The following ETV7 variants were observed in gnomAD, a reference collection of about 807,000 sequenced individuals.
ETV7 encodes ETS variant transcription factor 7.
A neutral mutation model predicts 39.1 loss-of-function variants in ETV7; 43 were observed. The ratio of observed to expected loss-of-function variants is 1.10; its 90% CI spans 0.86 to 1.42. ETV7 has a LOEUF of 1.42. Among genes scored for constraint, ETV7 ranks in the 40% most tolerant of loss-of-function variants. The pLI, the probability that ETV7 is intolerant of heterozygous loss-of-function variation, is 0.00. For missense variants in ETV7, 432 were observed against 442.3 expected, an observed-to-expected ratio of 0.98 and a Z score of 0.21; for synonymous variants, 196 against 176.6, an observed-to-expected ratio of 1.11 and a Z score of -0.87.
chr6:36,385,698 A>G (rs370447430), intron 1 of ETV7, 29 bp from the exon 2 acceptor site: 4 of 1,572,642 alleles, frequency 2.5e-6, no homozygotes, highest in South Asian at 2.3e-5. Context: ...GGACAGTCAA[A>G]GAAGAGCATC....
At position 36,366,209 on chromosome 6, in the gene ETV7, T is replaced by A. The variant is rs1772707053; in HGVS notation, c.*436A>T. On this transcript the variant is annotated 3_prime_UTR_variant, in exon 8 of 8. Coordinates refer to ENST00000340181, the MANE Select transcript of ETV7 (RefSeq NM_016135.4). ...GAAAGAAACATCAGCTACCATTGTT[T>A]TTATTGTTACTGAGGCTGTCAGTGC... The A allele has an allele frequency of 9.9e-7, 1 of 1,009,748 alleles. No homozygotes were observed. Among genetic ancestry groups the A allele is most frequent in the African/African-American group, 1.7e-5 (1 of 58,028 alleles). The allele number at this position is 1,009,748 out of a possible 1,614,324, so 62.5% of individuals were successfully genotyped here. A position where few individuals can be genotyped will look rare whatever the true frequency, so the allele number is the denominator to read the frequency against.
At chr6:36,382,728 T>A (rs1773712764) in intron 2 of ETV7, among the ~76,000 whole-genome samples, 1 of 152,170 alleles carries the variant, frequency 6.6e-6, no homozygotes, top group African/African-American at 2.4e-5. Context: ...TCCTTGCAAC[T>A]CTGAATATAG....
At chr6:36,383,970 T>C (rs1773774428) in intron 2 of ETV7, among the ~76,000 whole-genome samples, 1 of 152,290 alleles carries the variant, frequency 6.6e-6, no homozygotes, top group South Asian at 2.1e-4. Flanking sequence ...TTAGCCAGTG[T>C]ACAGGGTAAC....
chr6:36,367,779 G>A (rs951973094), intron 6 of ETV7, among the ~76,000 whole-genome samples: 9 of 152,082 alleles, frequency 5.9e-5, no homozygotes, highest in African/African-American at 1.4e-4. Flanking sequence ...CAGCTCCACC[G>A]CTTGTCAGCT....
chr6:36,375,338 C>T (rs1773264727), intron 3 of ETV7, among the ~76,000 whole-genome samples: 1 of 152,186 alleles, frequency 6.6e-6, no homozygotes, highest in Non-Finnish European at 1.5e-5. Context: ...CCCGCTACCA[C>T]TGGCCACCCT....
downstream of ETV7, among the ~76,000 whole-genome samples, chr6:36,363,618 G>GTTGCCACTGCTAGCTGGGGCAGCCTGC (rs1772608308): frequency 6.6e-6 from 1 of 152,244 alleles, no homozygotes; most frequent in Non-Finnish European, 1.5e-5. Context: ...ACCAGAACGG[G>GTTGCCACTGCTAGCTGGGGCAGCCTGC]TTGCCACTGC....
intron 7 of ETV7, among the ~76,000 whole-genome samples, chr6:36,360,632 C>T (rs1772463041): frequency 6.6e-6 from 1 of 152,152 alleles, no homozygotes. Flanking sequence ...ATTCAGTCAG[C>T]CACCGCCCGG....
At chr6:36,360,609 C>T (rs1772462006) in intron 7 of ETV7, among the ~76,000 whole-genome samples, 1 of 152,160 alleles carries the variant, frequency 6.6e-6, no homozygotes, top group African/African-American at 2.4e-5. Context: ...GGCAGGCTTG[C>T]TGTCCATAGA....
At position 36,387,620 on chromosome 6, in the gene ETV7, C is replaced by A; in HGVS notation, c.-79G>T. The A allele has an allele frequency of 6.5e-7, 1 of 1,528,064 alleles. No homozygotes were observed. The highest frequency in any genetic ancestry group is 9.0e-7 in the Non-Finnish European group (1 of 1,108,012). 94.7% of individuals were successfully genotyped at this position (1,528,064 alleles called of 1,614,324 possible). ...TGTGGCTGCTGGGGCCCTAGGCCCG[C>A]GCCCCGCAGTCCTCCTCCGCCAAAC... On this transcript the variant is annotated 5_prime_UTR_variant, in exon 1 of 8. Transcript: ENST00000340181.
At chr6:36,378,532 G>C (rs1224087157) in intron 2 of ETV7, among the ~76,000 whole-genome samples, 1 of 151,466 alleles carries the variant, frequency 6.6e-6, no homozygotes, top group Non-Finnish European at 1.5e-5. Flanking sequence ...ACTAAAAGAG[G>C]GTAGATTTCA....
chr6:36,360,046 C>A (rs1429744057), intron 7 of ETV7, among the ~76,000 whole-genome samples: 1 of 152,174 alleles, frequency 6.6e-6, no homozygotes, highest in Non-Finnish European at 1.5e-5. Flanking sequence ...GCATGTGCCA[C>A]CATGCCCAGC....
At chr6:36,362,021 G>A (rs553754388), downstream of ETV7, among the ~76,000 whole-genome samples, 5 of 152,192 alleles carry the variant, frequency 3.3e-5, no homozygotes, top group East Asian at 1.9e-4. Flanking sequence ...TGGTGTGGCC[G>A]GGCGCGGTGG....
chr6:36,359,498 C>T (rs181291960), intron 7 of ETV7, among the ~76,000 whole-genome samples: 22 of 151,990 alleles, frequency 1.4e-4, no homozygotes, highest in Admixed American at 1.0e-3. Flanking sequence ...AGAAAGGGGA[C>T]AGTCTACTAC....
exon 8 of ETV7, chr6:36,354,546 TG>T: frequency 1.6e-6 from 1 of 638,630 alleles, no homozygotes; most frequent in Non-Finnish European, 2.8e-6. Context: ...TACCAATCTT[TG>T]TTGAGTACTA....
At chr6:36,372,501 G>C (rs946188180) in intron 4 of ETV7, among the ~76,000 whole-genome samples, 4 of 151,826 alleles carry the variant, frequency 2.6e-5, no homozygotes, top group African/African-American at 9.7e-5. Flanking sequence ...GAAGCAAGGA[G>C]ACCAGTGAGG....
In ETV7 at chr6:36,366,561, G is replaced by T; in HGVS notation, c.*84C>A. ...ACAGAGTCTGGCTGGGGATCCTGCT[G>T]CTCTGCTGGGAGGAGGAGTCTGCCT... On this transcript the variant is annotated 3_prime_UTR_variant, in exon 8 of 8. Coordinates refer to ENST00000340181, the MANE Select transcript of ETV7 (RefSeq NM_016135.4). 6.3e-7 allele frequency: 1 copy of T among 1,599,992 alleles called. No homozygotes were observed. The highest frequency in any genetic ancestry group is 8.5e-7 in the Non-Finnish European group (1 of 1,172,402).
At chr6:36,383,149 G>T (rs1773733509) in intron 2 of ETV7, among the ~76,000 whole-genome samples, 1 of 152,180 alleles carries the variant, frequency 6.6e-6, no homozygotes, top group Admixed American at 6.5e-5. Context: ...TCCCTGCCCT[G>T]CAGCTGCGTC....
intron 4 of ETV7, 119 bp downstream of exon 4, chr6:36,373,334 G>C: frequency 8.0e-7 from 1 of 1,248,510 alleles, no homozygotes; most frequent in Non-Finnish European, 1.1e-6. Flanking sequence ...GGGGTGGGGC[G>C]GGAGGGGAGC....
downstream of ETV7, among the ~76,000 whole-genome samples, chr6:36,364,245 T>C (rs1356030058): frequency 2.6e-5 from 4 of 152,166 alleles, no homozygotes; most frequent in Non-Finnish European, 4.4e-5. Flanking sequence ...CCTCAGCCCT[T>C]GGGTGGTGGA....
Sources: gnomAD v4.1 joint callset for allele counts (sites outside exome capture counted in the v4.1 genomes callset) on GRCh38, gnomAD v4.1.1 for gene constraint, MANE v1.5 for transcripts, NCBI Gene and HGNC (gene_info 2026-07-23, HGNC 2026-07-21) for gene names.